The following POLR2F variants were observed in gnomAD, a reference collection of about 807,000 sequenced individuals.
POLR2F encodes the protein RNA polymerase II, I and III subunit F.
Under a neutral mutation model 22.7 loss-of-function variants are expected in POLR2F, and 12 were observed. The ratio of observed to expected loss-of-function variants is 0.53; its 90% CI spans 0.34 to 0.86. The LOEUF (loss-of-function observed/expected upper bound fraction) is 0.86. Among genes scored for constraint, POLR2F ranks in the 40% least tolerant of loss-of-function variants. The probability of loss-of-function intolerance (pLI) is 0.02; values close to 1 mark genes in which losing one functional copy is unlikely to be tolerated. For missense variants in POLR2F, 126 were observed against 171.5 expected, an observed-to-expected ratio of 0.73 and a Z score of 1.48; for synonymous variants, 57 against 66.0, an observed-to-expected ratio of 0.86 and a Z score of 0.66.
At chr22:37,983,764 T>TAGGTCCTGCTCCTCCGCC, upstream of POLR2F, 1 of 1,484,448 alleles carries the variant, frequency 6.7e-7, no homozygotes, top group East Asian at 2.8e-5. The surrounding 1 kb of genome is among the most constrained non-coding windows in gnomAD (Gnocchi z 9.5). Context: ...CCACCTCCGA[T>TAGGTCCTGCTCCTCCGCC]AGGTCCTGCT....
downstream of POLR2F, among the ~76,000 whole-genome samples, chr22:38,028,671 A>G (rs550913874): frequency 6.6e-6 from 1 of 152,252 alleles, no homozygotes; most frequent in African/African-American, 2.4e-5. Flanking sequence ...GGGAGAGGAC[A>G]GCGGCCACAT....
chr22:37,967,597 T>A, intron 4 of POLR2F, 28 bp from the exon 5 acceptor site: 1 of 1,612,316 alleles, frequency 6.2e-7, no homozygotes, highest in Non-Finnish European at 8.5e-7. Flanking sequence ...CCAGCCCTCA[T>A]GTACTTGTGA....
intron 1 of POLR2F, among the ~76,000 whole-genome samples, chr22:38,010,091 A>T (rs1468270906): frequency 6.6e-6 from 1 of 152,208 alleles, no homozygotes; most frequent in African/African-American, 2.4e-5. Flanking sequence ...AGAAATGATC[A>T]AGTCTGGGCG....
intron 5 of POLR2F, chr22:38,033,134 G>T: frequency 6.2e-6 from 1 of 161,110 alleles, no homozygotes. Flanking sequence ...ACTCCAGCCT[G>T]GGCCCCAGAG....
downstream of POLR2F, chr22:37,972,319 A>C: frequency 9.4e-7 from 1 of 1,066,794 alleles, no homozygotes; most frequent in Non-Finnish European, 1.3e-6. Flanking sequence ...AGGTAACCGG[A>C]ACCTTTAATT....
At chr22:37,993,022 T>C (rs890171480) in intron 1 of POLR2F, among the ~76,000 whole-genome samples, 1 of 152,050 alleles carries the variant, frequency 6.6e-6, no homozygotes, top group Non-Finnish European at 1.5e-5. Context: ...GTCTAGACAC[T>C]AGGCAACATG....
intron 1 of POLR2F, among the ~76,000 whole-genome samples, chr22:38,015,685 C>T (rs1328717447): frequency 6.6e-6 from 1 of 152,030 alleles, no homozygotes; most frequent in Non-Finnish European, 1.5e-5. Flanking sequence ...TCTGTGGGGG[C>T]CATGATAGAA....
intron 2 of POLR2F, among the ~76,000 whole-genome samples, chr22:37,957,731 G>T (rs535111524): frequency 6.6e-6 from 1 of 151,974 alleles, no homozygotes; most frequent in African/African-American, 2.4e-5. Flanking sequence ...TCTACTCCTG[G>T]TGCCTTAACC....
intron 4 of POLR2F, among the ~76,000 whole-genome samples, chr22:37,976,222 C>CAAACAA (rs1305354233): frequency 1.3e-5 from 2 of 152,190 alleles, no homozygotes; most frequent in African/African-American, 2.4e-5. Context: ...GACTCCATCT[C>CAAACAA]AAACAAAAAC....
chr22:38,033,702 T>C (rs2085087789), intron 5 of POLR2F, among the ~76,000 whole-genome samples: 1 of 152,182 alleles, frequency 6.6e-6, no homozygotes, highest in African/African-American at 2.4e-5. Flanking sequence ...TCAGTTGTTT[T>C]CCAAGAGCGG....
chr22:38,019,307 A>G (rs1401204128), intron 1 of POLR2F, among the ~76,000 whole-genome samples: 1 of 151,940 alleles, frequency 6.6e-6, no homozygotes, highest in African/African-American at 2.4e-5. Context: ...ACATTCCCCA[A>G]GGGTCCCGGC....
upstream of POLR2F, chr22:37,983,800 C>T (rs1184727918): frequency 7.0e-6 from 10 of 1,420,176 alleles, no homozygotes; most frequent in African/African-American, 1.5e-5. This position sits in a 1 kb window ranked among gnomAD's most constrained non-coding sequence, Gnocchi z 9.5. Context: ...CCCCGGCCGC[C>T]GCCGCCGCCG....
upstream of POLR2F, chr22:37,983,618 T>G: frequency 6.2e-7 from 1 of 1,606,252 alleles, no homozygotes; most frequent in East Asian, 2.2e-5. This position sits in a 1 kb window ranked among gnomAD's most constrained non-coding sequence, Gnocchi z 9.5. Flanking sequence ...CTGCTGCTCC[T>G]TCTTGACCTT....
At chr22:38,003,464 T>C (rs1022637006) in intron 1 of POLR2F, among the ~76,000 whole-genome samples, 1 of 152,076 alleles carries the variant, frequency 6.6e-6, no homozygotes, top group African/African-American at 2.4e-5. Context: ...TGACCTCAAG[T>C]GATCCGCCCA....
rs1008569806 is a variant in POLR2F, at chr22:37,954,002, C to T, written c.20+195C>T. Reference sequence around the variant, plus strand: ...CCCCGGCTGGAGGCACAGGAGGGCCCAGGCTCGAGGGTCCAGAGGGGATCC... The same window carrying T: ...CCCCGGCTGGAGGCACAGGAGGGCCTAGGCTCGAGGGTCCAGAGGGGATCC... On this transcript the variant is annotated intron_variant, in intron 1 of 4. Coordinates refer to ENST00000442738, the MANE Select transcript of POLR2F (RefSeq NM_021974.5). 3.2e-4 allele frequency: 202 copies of T among 634,746 alleles called. 2 individuals are homozygous for T. The South Asian group carries it at 3.9e-3, about 12-fold the overall frequency. The allele number at this position is 634,746 out of a possible 1,614,324, so 39.3% of individuals were successfully genotyped here. A position where few individuals can be genotyped will look rare whatever the true frequency, so the allele number is the denominator to read the frequency against.
At chr22:38,036,869 C>A (rs749973173) in intron 5 of POLR2F, among the ~76,000 whole-genome samples, 2 of 152,162 alleles carry the variant, frequency 1.3e-5, no homozygotes, top group African/African-American at 4.8e-5. Flanking sequence ...CCCTCTCAGG[C>A]CTTTTGTGCT....
At chr22:38,037,543 G>A (rs1666379655) in intron 5 of POLR2F, among the ~76,000 whole-genome samples, 1 of 149,430 alleles carries the variant, frequency 6.7e-6, no homozygotes, top group African/African-American at 2.5e-5. Context: ...CCAAAGTGCT[G>A]GGAATGCAGC....
At chr22:38,027,172 C>T (rs899880214), downstream of POLR2F, among the ~76,000 whole-genome samples, 4 of 152,268 alleles carry the variant, frequency 2.6e-5, no homozygotes, top group South Asian at 2.1e-4. Flanking sequence ...GGGGGATACA[C>T]GTGGTCCATT....
intron 1 of POLR2F, among the ~76,000 whole-genome samples, chr22:37,955,203 G>GT (rs77201045): frequency 0.1 from 13,517 of 131,750 alleles, 754 homozygotes; most frequent in Non-Finnish European, 0.12. Flanking sequence ...AGAAATAAGG[G>GT]TTTTTTTTTT....
Sources: gnomAD v4.1 joint callset for allele counts (sites outside exome capture counted in the v4.1 genomes callset) on GRCh38, gnomAD v4.1.1 for gene constraint, Gnocchi (gnomAD v3.1) non-coding constraint, MANE v1.5 for transcripts, NCBI Gene and HGNC (gene_info 2026-07-23, HGNC 2026-07-21) for gene names.